The following PHTF1 variants were observed in gnomAD, a reference collection of about 807,000 sequenced individuals.
PHTF1 encodes the protein protein PHTF1.
A neutral mutation model predicts 102.4 loss-of-function variants in PHTF1; 88 were observed. The observed-to-expected ratio is 0.86, with a 90% confidence interval of 0.72 to 1.03. The LOEUF is 1.03. Among genes scored for constraint, PHTF1 ranks in the 50% least tolerant of loss-of-function variants. PHTF1 has a pLI of 0.00. For synonymous variants in PHTF1, 289 were observed against 305.2 expected, an observed-to-expected ratio of 0.95 and a Z score of 0.55; for missense variants, 814 against 909.5, an observed-to-expected ratio of 0.89 and a Z score of 1.35.
At chr1:113,733,806 A>T (rs1278961508) in intron 5 of PHTF1, among the ~76,000 whole-genome samples, 1 of 152,216 alleles carries the variant, frequency 6.6e-6, no homozygotes, top group Non-Finnish European at 1.5e-5. Flanking sequence ...AGAAATTGGT[A>T]CTGAGAATGG....
chr1:113,759,541 G>C (rs1347208637), upstream of PHTF1: 1 of 152,450 alleles, frequency 6.6e-6, no homozygotes, highest in Non-Finnish European at 1.5e-5. Flanking sequence ...TTCGGCTTCC[G>C]CTTTCCGGCT....
chr1:113,752,762 T>G (rs1042252073), intron 3 of PHTF1, among the ~76,000 whole-genome samples: 2 of 152,210 alleles, frequency 1.3e-5, no homozygotes, highest in Admixed American at 6.5e-5. Context: ...AGTTTTCATA[T>G]TCCTTTCCAT....
chr1:113,752,835 T>C (rs1173532612), intron 3 of PHTF1, among the ~76,000 whole-genome samples: 2 of 152,226 alleles, frequency 1.3e-5, no homozygotes, highest in Non-Finnish European at 2.9e-5. Context: ...AGTACAATGT[T>C]AAATAAAAAT....
intron 7 of PHTF1, among the ~76,000 whole-genome samples, chr1:113,722,948 AAATAAATAAATAAAT>A (rs1653205953): frequency 1.3e-5 from 2 of 149,016 alleles, no homozygotes; most frequent in African/African-American, 4.9e-5. Flanking sequence ...ATAAATAAAT[AAATAAATAAATAAAT>A]AAAAATAAAA....
Position 113,713,279 on chromosome 1 carries a change from C to T in PHTF1, c.783G>A (p.Arg261=), listed in dbSNP as rs1342521105. The change falls in exon 8 of 19, where the codon AGG becomes AGA. Residue 261 remains arginine (R), a splice_region_variant and synonymous_variant. Transcript: ENST00000369604. ...AKFSDGEKCR[R]EAFRRLGNGV... ...CTTGTTAAATCCATCTAAATCTTAC[C>T]CTACGGCACTTTTCTCCATCTGAAA... The T allele has an allele frequency of 1.2e-6, 2 of 1,613,082 alleles. No homozygotes were observed. Among genetic ancestry groups the T allele is most frequent in the South Asian group, 2.2e-5 (2 of 90,914 alleles).
chr1:113,745,801 G>T (rs1171764144), intron 3 of PHTF1, among the ~76,000 whole-genome samples: 1 of 152,184 alleles, frequency 6.6e-6, no homozygotes, highest in African/African-American at 2.4e-5. Context: ...GGACTGTCTA[G>T]TTGCAGAAAA....
At chr1:113,699,462 C>T in intron 17 of PHTF1, 1 of 630,622 alleles carries the variant, frequency 1.6e-6, no homozygotes, top group Non-Finnish European at 2.9e-6. Context: ...ATGTCCTTGA[C>T]CAGATGGCCC....
chr1:113,722,955 TAAATAAATAAAA>T (rs1339558588), intron 7 of PHTF1, among the ~76,000 whole-genome samples: 3 of 147,520 alleles, frequency 2.0e-5, no homozygotes, highest in African/African-American at 7.6e-5. Context: ...AATAAATAAA[TAAATAAATAAAA>T]ATAAAAATTA....
intron 14 of PHTF1, 29 bp downstream of exon 14, chr1:113,704,637 T>C: frequency 6.5e-7 from 1 of 1,526,814 alleles, no homozygotes; most frequent in Non-Finnish European, 8.9e-7. Flanking sequence ...TTCTTGCACA[T>C]ACTCTATTGT....
chr1:113,705,594 T>C (rs747225668), intron 13 of PHTF1, among the ~76,000 whole-genome samples: 42 of 152,312 alleles, frequency 2.8e-4, no homozygotes, highest in Admixed American at 5.2e-4. Flanking sequence ...TTTTATTCTA[T>C]GGATAAAAAA....
chr1:113,719,736 A>T (rs529152280), intron 7 of PHTF1, among the ~76,000 whole-genome samples: 2 of 152,208 alleles, frequency 1.3e-5, no homozygotes, highest in Non-Finnish European at 2.9e-5. Context: ...ACCCAGTTCC[A>T]AAGTTGTTTC....
At chr1:113,706,813 T>A in intron 11 of PHTF1, 91 bp from the exon 12 acceptor site, 2 of 699,846 alleles carry the variant, frequency 2.9e-6, no homozygotes, top group African/African-American at 1.9e-5. Context: ...GCCAACACTC[T>A]AATAACCACC....
chr1:113,724,874 T>A lies in PHTF1; in HGVS notation c.508A>T (p.Asn170Tyr). The A allele has an allele frequency of 2.5e-6, 4 of 1,598,430 alleles. No individual in the cohort carries two copies. The highest frequency in any genetic ancestry group is 3.4e-6 in the Non-Finnish European group (4 of 1,174,410). ...RRRRKLRKTV[N>Y]GDGSRENGNN... ...CCATTTTCTCGGCTCCCATCACCAT[T>A]TACAGTTTTTCGTAATTTTCTACAA... is the stretch of plus-strand genomic sequence containing the variant. Residue 170 changes from asparagine to tyrosine, a missense_variant, in exon 7 of 19, where the codon AAT becomes TAT. By Grantham distance (143) the Asn-to-Tyr change is moderately radical. Coordinates refer to ENST00000369604, the MANE Select transcript of PHTF1 (RefSeq NM_001323043.2).
chr1:113,729,419 T>C (rs1654311518), intron 5 of PHTF1, among the ~76,000 whole-genome samples: 1 of 152,174 alleles, frequency 6.6e-6, no homozygotes, highest in Non-Finnish European at 1.5e-5. Flanking sequence ...GGATTGTTTG[T>C]AACACAAAGG....
At chr1:113,735,484 G>GATAGTTTTAA (rs1420033458) in intron 5 of PHTF1, among the ~76,000 whole-genome samples, 3 of 145,714 alleles carry the variant, frequency 2.1e-5, no homozygotes, top group African/African-American at 7.6e-5. Context: ...ACATTAAAAT[G>GATAGTTTTAA]ATAGTTTTAA....
intron 5 of PHTF1, among the ~76,000 whole-genome samples, chr1:113,735,496 T>C (rs1019688577): frequency 1.3e-5 from 2 of 150,442 alleles, no homozygotes; most frequent in Middle Eastern, 3.5e-3. Context: ...TAGTTTTAAA[T>C]GATGGTATGC....
intron 6 of PHTF1, 84 bp from the exon 7 acceptor site, chr1:113,724,977 GACAA>G: frequency 1.1e-6 from 1 of 874,020 alleles, no homozygotes; most frequent in East Asian, 2.5e-5. Flanking sequence ...AAATTATACT[GACAA>G]ATTACTACCT....
chr1:113,712,868 G>A (rs529825353), intron 8 of PHTF1, among the ~76,000 whole-genome samples: 19 of 150,212 alleles, frequency 1.3e-4, no homozygotes, highest in Non-Finnish European at 2.5e-4. Context: ...CTCACTGCAA[G>A]CTCCACCTCC....
intron 13 of PHTF1, among the ~76,000 whole-genome samples, chr1:113,705,182 T>C (rs1649932724): frequency 6.6e-6 from 1 of 152,254 alleles, no homozygotes; most frequent in South Asian, 2.1e-4. Flanking sequence ...GCTCACGCCC[T>C]GTAATCCCAG....
Sources: allele counts gnomAD v4.1 joint callset (sites outside exome capture counted in the v4.1 genomes callset), GRCh38; gene constraint gnomAD v4.1.1; transcripts MANE v1.5; gene names NCBI Gene and HGNC (gene_info 2026-07-23, HGNC 2026-07-21).